The following RNF38 variants were observed in gnomAD, a reference collection of about 807,000 sequenced individuals.
RNF38 encodes the protein ring finger protein 38, also known as E3 ubiquitin-protein ligase RNF38.
In RNF38, 15 loss-of-function variants were observed where a neutral mutation model predicts 67.2. That is an observed-to-expected ratio of 0.22 (90% confidence interval 0.15 to 0.34). RNF38 has a LOEUF of 0.34. Ranked by LOEUF, RNF38 falls within the 10% of genes least tolerant of loss-of-function variation. The pLI, the probability that RNF38 is intolerant of heterozygous loss-of-function variation, is 1.00. For missense variants in RNF38, 524 were observed against 639.9 expected (o/e 0.82, Z 1.95); for synonymous variants, 220 against 218.8 (o/e 1.01, Z -0.05).
At chr9:36,358,205 T>C (rs1834269602) in intron 4 of RNF38, among the ~76,000 whole-genome samples, 1 of 152,204 alleles carries the variant, frequency 6.6e-6, no homozygotes, top group Admixed American at 6.5e-5. Context: ...TGGATTACTA[T>C]ATTAACTCTT....
At chr9:36,452,614 A>G (rs1177177786) in intron 1 of RNF38, among the ~76,000 whole-genome samples, 1 of 151,146 alleles carries the variant, frequency 6.6e-6, no homozygotes, top group Non-Finnish European at 1.5e-5. Flanking sequence ...GCTCGCTGCA[A>G]CCTCCACCTC....
chr9:36,485,888 G>C (rs1389664984), intron 1 of RNF38, among the ~76,000 whole-genome samples: 1 of 152,112 alleles, frequency 6.6e-6, no homozygotes, highest in Non-Finnish European at 1.5e-5. Flanking sequence ...CGAGAATGAG[G>C]GGGAGGGGGT....
chr9:36,353,371 T>G (rs202009956), intron 6 of RNF38, 40 bp from the exon 7 acceptor site: 1 of 1,342,156 alleles, frequency 7.5e-7, no homozygotes, highest in Admixed American at 2.7e-5. Context: ...TGTATATATA[T>G]ATATACTTCC....
intron 2 of RNF38, among the ~76,000 whole-genome samples, chr9:36,386,859 G>C (rs1404699891): frequency 6.6e-6 from 1 of 152,212 alleles, no homozygotes; most frequent in Non-Finnish European, 1.5e-5. Flanking sequence ...CTGGAGTGCA[G>C]TGGCACAATC....
intron 1 of RNF38, among the ~76,000 whole-genome samples, chr9:36,450,429 C>T (rs1347064478): frequency 2.0e-5 from 3 of 152,146 alleles, no homozygotes; most frequent in African/African-American, 7.2e-5. Context: ...TTTCACTCAC[C>T]AAAACCACCT....
intron 1 of RNF38, among the ~76,000 whole-genome samples, chr9:36,398,364 T>G: frequency 6.6e-6 from 1 of 152,060 alleles, no homozygotes; most frequent in East Asian, 1.9e-4. Context: ...GGCCCAGAAG[T>G]TCGAGTCCAG....
intron 2 of RNF38, among the ~76,000 whole-genome samples, chr9:36,409,060 G>A (rs1408833151): frequency 6.6e-6 from 1 of 152,100 alleles, no homozygotes; most frequent in Non-Finnish European, 1.5e-5. Context: ...GGTGGTGAAT[G>A]CTGGTAATCC....
chr9:36,343,679 G>A (rs940483424), intron 10 of RNF38, among the ~76,000 whole-genome samples: 6 of 150,830 alleles, frequency 4.0e-5, no homozygotes, highest in African/African-American at 9.8e-5. Flanking sequence ...TCCATCCATC[G>A]ACGAAAAAAA....
upstream of RNF38, among the ~76,000 whole-genome samples, chr9:36,402,841 TTTC>T (rs149420258): frequency 0.041 from 6,178 of 152,198 alleles, 216 homozygotes; most frequent in Admixed American, 0.12. Context: ...TAGTTTTAAA[TTTC>T]TTCTTCTTTT....
intron 11 of RNF38, among the ~76,000 whole-genome samples, chr9:36,340,852 G>A (rs1832778805): frequency 6.6e-6 from 1 of 152,082 alleles, no homozygotes; most frequent in Admixed American, 6.6e-5. Flanking sequence ...AGTTGCTAAT[G>A]CCAGACACAT....
intron 1 of RNF38, among the ~76,000 whole-genome samples, chr9:36,464,192 C>CAA (rs376652613): frequency 1.3e-5 from 2 of 149,110 alleles, no homozygotes; most frequent in African/African-American, 4.9e-5. Flanking sequence ...CAAAAAACCA[C>CAA]ACAAAAAAAA....
intron 1 of RNF38, among the ~76,000 whole-genome samples, chr9:36,470,323 C>T (rs1313726836): frequency 1.3e-5 from 2 of 152,260 alleles, no homozygotes; most frequent in African/African-American, 4.8e-5. Context: ...AAACCATAAG[C>T]CCCAATCCAT....
chr9:36,483,308 C>G lies in RNF38; in HGVS notation n.241+4000G>C, dbSNP rs143602601. ...GGCTGAGGCAGGAGAATCGCTTGAA[C>G]CTGGGAGGTGGAGGCTGCAGTGAGC... On this transcript the variant is annotated intron_variant and non_coding_transcript_variant, in intron 1 of 3. Transcript: ENST00000488058. Among the ~76,000 whole-genome samples, 560 of 152,174 alleles carry G rather than the reference C, an allele frequency of 3.7e-3. 2 individuals are homozygous for G. Among genetic ancestry groups the G allele is most frequent in the East Asian group, 0.024 (125 of 5,174 alleles).
In RNF38 at chr9:36,360,845, A is replaced by G. The variant is rs550719545; in HGVS notation, c.571-2903T>C. On this transcript the variant is annotated intron_variant, in intron 4 of 11. Transcript: ENST00000259605. ...ATTTTTTTTGAGACAGAGTCTTGAT[A>G]TATTGCCAACAATGGAGTGCAGTGG... 6.6e-5 allele frequency among the ~76,000 whole-genome samples: 10 copies of G among 152,240 alleles called. No homozygotes were observed. In the East Asian group the frequency reaches 1.3e-3, roughly 21 times the overall value.
Position 36,342,442 on chromosome 9 carries a change from A to G in RNF38, c.1386-18T>C. 1 of 1,506,136 alleles carries G rather than the reference A, an allele frequency of 6.6e-7. No homozygotes were observed. The highest frequency in any genetic ancestry group is 9.2e-7 in the Non-Finnish European group (1 of 1,081,884). 93.3% of individuals were successfully genotyped at this position (1,506,136 alleles called of 1,614,324 possible). A position where few individuals can be genotyped will look rare whatever the true frequency, so the allele number is the denominator to read the frequency against. On this transcript the variant is annotated intron_variant, in intron 10 of 11. Transcript: ENST00000259605. ...CTACACACCTAAAAAAAGCAAAAAG[A>G]TCATTTAACCACAAAACCAGATGGT...
intron 2 of RNF38, among the ~76,000 whole-genome samples, chr9:36,384,285 T>C (rs1181484944): frequency 6.6e-6 from 1 of 152,120 alleles, no homozygotes; most frequent in Non-Finnish European, 1.5e-5. Context: ...TAAAACAACC[T>C]GAAATCAAGA....
intron 1 of RNF38, among the ~76,000 whole-genome samples, chr9:36,459,426 C>T (rs1839671660): frequency 6.6e-6 from 1 of 152,098 alleles, no homozygotes; most frequent in Admixed American, 6.6e-5. Context: ...TTGTCCAAAA[C>T]AAAAATCTCT....
At chr9:36,446,793 G>C (rs1839310783) in intron 1 of RNF38, among the ~76,000 whole-genome samples, 1 of 125,544 alleles carries the variant, frequency 8.0e-6, no homozygotes, top group South Asian at 2.9e-4. Context: ...GGGCGACAGA[G>C]TGAGACTCCG....
In RNF38 at chr9:36,369,869, T is replaced by C. The variant is rs776090742; in HGVS notation, c.420A>G (p.Gln140=). 5 of 1,613,748 alleles carry C rather than the reference T, an allele frequency of 3.1e-6. No individual in the cohort carries two copies. The Admixed American group carries it at 8.3e-5, about 27-fold the overall frequency. ...AAGGGAGATGGTGATAGTTTTCATC[T>C]TGACTAATGGAATTATGTCGAGACA... ...DRLSRHNSIS[Q]DENYHHLPYA... is the part of the protein sequence containing the mutation. The change falls in exon 4 of 12, where the codon CAA becomes CAG. Residue 140 remains glutamine (Q), a synonymous_variant. Coordinates refer to ENST00000259605, the MANE Select transcript of RNF38 (RefSeq NM_022781.5).
Sources: allele counts gnomAD v4.1 joint callset (sites outside exome capture counted in the v4.1 genomes callset), GRCh38; gene constraint gnomAD v4.1.1; transcripts MANE v1.5; gene names NCBI Gene and HGNC (gene_info 2026-07-23, HGNC 2026-07-21).